The following USP30 variants were observed in gnomAD, a reference collection of about 807,000 sequenced individuals.
USP30 encodes ubiquitin specific peptidase 30.
USP30 carries 41 observed loss-of-function variants against 68.2 expected under a neutral mutation model. That is an observed-to-expected ratio of 0.60 (90% CI 0.47 to 0.78). USP30 has a LOEUF of 0.78. Among genes scored for constraint, USP30 ranks in the 30% least tolerant of loss-of-function variants. USP30 has a pLI of 0.00. For missense variants in USP30, 522 were observed against 649.4 expected (o/e 0.80, Z 2.13); for synonymous variants, 229 against 253.7 (o/e 0.90, Z 0.93).
intron 1 of USP30, chr12:109,023,179 A>T (rs939408894): frequency 2.0e-5 from 3 of 152,202 alleles, no homozygotes; most frequent in Admixed American, 6.5e-5. Context: ...TTTTTGCTTT[A>T]ATTACCCCTT....
chr12:109,082,318 GT>G (rs769029359), intron 9 of USP30, among the ~76,000 whole-genome samples: 2 of 152,168 alleles, frequency 1.3e-5, no homozygotes, highest in Non-Finnish European at 2.9e-5. Context: ...CTTTTAACCT[GT>G]GCTACCTGCC....
intron 3 of USP30, among the ~76,000 whole-genome samples, chr12:109,060,651 T>G (rs148186625): frequency 7.5e-4 from 115 of 152,320 alleles, no homozygotes; most frequent in Admixed American, 2.1e-3. Flanking sequence ...AAAACTGTTC[T>G]TGGAGTTCTT....
chr12:109,056,680 A>G lies in USP30; in HGVS notation c.84-2A>G. The G allele has an allele frequency of 6.3e-7, 1 of 1,596,398 alleles. No homozygotes were observed. ...AGACAGTAAACTTGTTTTCTTTTTTAGATATAAAGTCATGAAGAACTGGGG... is the reference window on the plus strand; with the variant it reads ...AGACAGTAAACTTGTTTTCTTTTTTGGATATAAAGTCATGAAGAACTGGGG... On this transcript the variant is annotated splice_acceptor_variant, in intron 1 of 12. Coordinates refer to ENST00000257548, the MANE Select transcript of USP30 (RefSeq NM_032663.5). LOFTEE classifies it high-confidence loss of function.
intron 7 of USP30, among the ~76,000 whole-genome samples, 188 bp from the exon 8 acceptor site, chr12:109,081,146 T>A (rs987606683): frequency 6.6e-6 from 1 of 152,266 alleles, no homozygotes; most frequent in Admixed American, 6.5e-5. Context: ...TTAGTATTAT[T>A]GTACCTCTTA....
chr12:109,039,426 T>G (rs2040546726), intron 3 of USP30, among the ~76,000 whole-genome samples: 1 of 152,232 alleles, frequency 6.6e-6, no homozygotes, highest in Non-Finnish European at 1.5e-5. Flanking sequence ...TCTAGTCATT[T>G]GACCTTAGAT....
At chr12:109,083,586 C>T (rs1405055448) in intron 11 of USP30, among the ~76,000 whole-genome samples, 1 of 152,074 alleles carries the variant, frequency 6.6e-6, no homozygotes, top group African/African-American at 2.4e-5. Context: ...CATGGAGGCT[C>T]CACGGGGTTG....
At chr12:109,067,756 AC>A in intron 4 of USP30, 129 bp downstream of exon 4, 1 of 712,202 alleles carries the variant, frequency 1.4e-6, no homozygotes, top group Non-Finnish European at 2.3e-6. Flanking sequence ...GTGTTCTGGG[AC>A]CAGAGTACCA....
chr12:109,085,825 A>G lies in USP30; in HGVS notation c.1448A>G (p.Lys483Arg), dbSNP rs760265083. The change falls in exon 13 of 13, where the codon AAG (lysine) becomes AGG (arginine). Residue 483 changes from lysine to arginine, a missense_variant. Coordinates refer to ENST00000257548, the MANE Select transcript of USP30 (RefSeq NM_032663.5). Reference protein sequence around the residue: ...WLWVSDDTVRKASLQEVLSSS... With the variant: ...WLWVSDDTVRRASLQEVLSSS... ...TGGGTCTCCGATGACACTGTCCGCA[A>G]GGCCAGCCTGCAGGAGGTCCTGTCC... The G allele has an allele frequency of 6.2e-6, 10 of 1,614,240 alleles. No individual in the cohort carries two copies. In the South Asian group the frequency reaches 1.1e-4, roughly 18 times the overall value.
At chr12:109,036,021 A>C (rs958374080) in intron 3 of USP30, among the ~76,000 whole-genome samples, 1 of 152,178 alleles carries the variant, frequency 6.6e-6, no homozygotes, top group Non-Finnish European at 1.5e-5. Flanking sequence ...TTAGCTGGGC[A>C]TGGTGGCCCA....
chr12:109,032,257 T>G (rs1407578419), intron 3 of USP30, among the ~76,000 whole-genome samples: 1 of 152,098 alleles, frequency 6.6e-6, no homozygotes. Flanking sequence ...TGAGCCAAGA[T>G]CATGCCACTG....
chr12:109,071,487 G>T, intron 4 of USP30, 125 bp from the exon 5 acceptor site: 2 of 695,428 alleles, frequency 2.9e-6, no homozygotes, highest in Non-Finnish European at 2.5e-6. Context: ...TAATGAGCTG[G>T]GCCTTGAGAA....
intron 3 of USP30, among the ~76,000 whole-genome samples, chr12:109,064,935 A>G (rs1436302032): frequency 2.0e-5 from 3 of 152,206 alleles, no homozygotes; most frequent in Non-Finnish European, 4.4e-5. Flanking sequence ...TTCATTTCCC[A>G]ACCCTGCTCC....
chr12:109,052,709 A>G lies in USP30; in HGVS notation c.31A>G (p.Thr11Ala). The change falls in exon 1 of 13, where the codon ACC becomes GCC. Residue 11 changes from threonine to alanine, a missense_variant. Coordinates refer to ENST00000257548, the MANE Select transcript of USP30 (RefSeq NM_032663.5). ...GAGCTCCCGGGCCGAGGCGGCGATG[A>G]CCGCGGCCGACAGGGCCATCCAGCG... MLSSRAEAAMTAADRAIQRFL... is the reference protein window; with the variant it reads MLSSRAEAAMAAADRAIQRFL... The G allele has an allele frequency of 2.0e-6, 3 of 1,481,130 alleles. No homozygotes were observed. Among genetic ancestry groups the G allele is most frequent in the South Asian group, 2.6e-5 (2 of 75,512 alleles). The allele number at this position is 1,481,130 out of a possible 1,614,324, so 91.7% of individuals were successfully genotyped here.
rs951391659 is a variant in USP30 at position 109,086,082 on chromosome 12, C to G, written c.*151C>G. The G allele has an allele frequency of 7.7e-5, 87 of 1,132,556 alleles. No homozygotes were observed. In the African/African-American group the frequency reaches 1.2e-3, roughly 16 times the overall value. The allele number at this position is 1,132,556 out of a possible 1,614,324, so 70.2% of individuals were successfully genotyped here. The stretch of plus-strand genomic sequence containing the variant: ...AGCAGGCTCCACCTGGGAGCCAGCC[C>G]CAGTTCACACCAAACCAGGCTCCCT... On this transcript the variant is annotated 3_prime_UTR_variant, in exon 13 of 13. Transcript: ENST00000257548.
rs2041408511 is a variant in USP30, at chr12:109,070,592, A to G, written c.481-1020A>G. Among the ~76,000 whole-genome samples the G allele has an allele frequency of 6.6e-6, 1 of 152,194 alleles. No individual in the cohort carries two copies. Among genetic ancestry groups the G allele is most frequent in the South Asian group, 2.1e-4 (1 of 4,828 alleles). On this transcript the variant is annotated intron_variant, in intron 4 of 12. Transcript: ENST00000257548. This position sits in a 1 kb window ranked among gnomAD's most constrained non-coding sequence, Gnocchi z 4.0. ...ATTGGAAAGCTAAAAGCAGAAGAGT[A>G]AAGCTATCTGCCTTTTAAAGTATTG... is the stretch of plus-strand genomic sequence containing the variant.
In USP30 at chr12:109,086,030, C is replaced by T. The variant is rs2041940212; in HGVS notation, c.*99C>T. 6.8e-7 allele frequency: 1 copy of T among 1,461,916 alleles called. No individual in the cohort carries two copies. Among genetic ancestry groups the T allele is most frequent in the East Asian group, 2.5e-5 (1 of 40,328 alleles). The allele number at this position is 1,461,916 out of a possible 1,614,324, so 90.6% of individuals were successfully genotyped here. On this transcript the variant is annotated 3_prime_UTR_variant, in exon 13 of 13. Transcript: ENST00000257548. ...GCGTGTGCAAGCGGCCCCACTAGAG[C>T]CTTCCAGCCTTCTGGTGTGTTCTAA...
intron 3 of USP30, among the ~76,000 whole-genome samples, chr12:109,059,023 G>T (rs1386780681): frequency 2.0e-5 from 3 of 152,128 alleles, no homozygotes; most frequent in Admixed American, 2.0e-4. Flanking sequence ...TCCATGTCTG[G>T]GAGTCCGCCT....
chr12:109,050,514 A>G (rs1370752281), upstream of USP30, among the ~76,000 whole-genome samples: 1 of 152,154 alleles, frequency 6.6e-6, no homozygotes, highest in Non-Finnish European at 1.5e-5. Flanking sequence ...TTGGGGCTAC[A>G]GGTATGCGAC....
chr12:109,061,540 CTGGGACTA>C lies in USP30; in HGVS notation c.376+3433_376+3440del. On this transcript the variant is annotated intron_variant, in intron 3 of 12. Transcript: ENST00000257548. ...TCCTCCATTTCCATTTCCCAGGTAG[CTGGGACTA>C]CAGGCACATGCCACCAGGCCTGGCT... Among the ~76,000 whole-genome samples the C allele has an allele frequency of 3.9e-5, 6 of 152,006 alleles. 1 individual carries two copies. Among genetic ancestry groups the C allele is most frequent in the Admixed American group, 3.9e-4 (6 of 15,254 alleles).
Sources: allele counts gnomAD v4.1 joint callset (sites outside exome capture counted in the v4.1 genomes callset), GRCh38; gene constraint gnomAD v4.1.1; non-coding constraint Gnocchi (gnomAD v3.1); transcripts MANE v1.5; gene names NCBI Gene and HGNC (gene_info 2026-07-23, HGNC 2026-07-21).